PAK5: variants seen among roughly 807,000 people sequenced by gnomAD.
The protein encoded by PAK5 is p21 (RAC1) activated kinase 5.
Under a neutral mutation model 65.9 loss-of-function variants are expected in PAK5, and 16 were observed. That is an observed-to-expected ratio of 0.24 (90% confidence interval 0.16 to 0.37). PAK5 has a LOEUF of 0.37. PAK5 is among the 10% of genes least tolerant of loss of function. PAK5 has a pLI of 1.00. For missense variants in PAK5, 785 were observed against 903.9 expected, an observed-to-expected ratio of 0.87 and a Z score of 1.69; for synonymous variants, 371 against 354.9, an observed-to-expected ratio of 1.05 and a Z score of -0.51.
At chr20:9,757,493 T>G (rs933077272) in intron 1 of PAK5, among the ~76,000 whole-genome samples, 2 of 152,176 alleles carry the variant, frequency 1.3e-5, no homozygotes, top group Non-Finnish European at 2.9e-5. Context: ...AGTCCAGTCT[T>G]TAATAAGATT....
chr20:9,563,153 T>A, intron 5 of PAK5, 129 bp from the exon 6 acceptor site: 1 of 832,512 alleles, frequency 1.2e-6, no homozygotes, highest in Non-Finnish European at 1.9e-6. Context: ...ATTCAGAAAA[T>A]CTATTACAGA....
chr20:9,638,400 A>C (rs957018020), intron 3 of PAK5, among the ~76,000 whole-genome samples: 2 of 152,226 alleles, frequency 1.3e-5, no homozygotes, highest in Admixed American at 6.5e-5. Context: ...AACTGTTGAC[A>C]CAAGTACAAG....
chr20:9,548,262 G>GT (rs796783495), intron 7 of PAK5, among the ~76,000 whole-genome samples: 2 of 152,026 alleles, frequency 1.3e-5, no homozygotes, highest in East Asian at 1.9e-4. Context: ...CCAACTCTGA[G>GT]TTTTTTTGAT....
At chr20:9,771,377 G>A (rs1248639561) in intron 1 of PAK5, among the ~76,000 whole-genome samples, 4 of 151,814 alleles carry the variant, frequency 2.6e-5, no homozygotes, top group South Asian at 2.1e-4. Context: ...CTATAGCGGA[G>A]TGTCAAGAAA....
intron 1 of PAK5, among the ~76,000 whole-genome samples, chr20:9,771,994 C>T (rs2048839192): frequency 6.6e-6 from 1 of 152,114 alleles, no homozygotes; most frequent in African/African-American, 2.4e-5. Context: ...ACAGAGATCG[C>T]ACCACTGCAT....
At chr20:9,574,938 C>T (rs746706364) in intron 4 of PAK5, among the ~76,000 whole-genome samples, 1 of 152,152 alleles carries the variant, frequency 6.6e-6, no homozygotes, top group East Asian at 1.9e-4. Context: ...ATCTCTGAAC[C>T]GAGTTCTGCA....
chr20:9,666,448 A>T (rs918308344), intron 2 of PAK5, among the ~76,000 whole-genome samples: 8 of 151,922 alleles, frequency 5.3e-5, no homozygotes, highest in African/African-American at 1.9e-4. Context: ...GAAAAAAAAA[A>T]AAGAGAAAGA....
chr20:9,643,090 T>C (rs1345547553), intron 3 of PAK5, among the ~76,000 whole-genome samples: 2 of 152,252 alleles, frequency 1.3e-5, no homozygotes, highest in East Asian at 3.8e-4. Flanking sequence ...TCAGTTTTGT[T>C]CTGCATATTA....
intron 1 of PAK5, among the ~76,000 whole-genome samples, chr20:9,820,397 A>T (rs150306983): frequency 6.6e-6 from 1 of 152,256 alleles, no homozygotes; most frequent in African/African-American, 2.4e-5. Flanking sequence ...TTATTGAAAG[A>T]GTTGTTTTTA....
chr20:9,822,242 T>C (rs1164101279), intron 1 of PAK5, among the ~76,000 whole-genome samples: 4 of 144,098 alleles, frequency 2.8e-5, no homozygotes, highest in Non-Finnish European at 4.5e-5. Flanking sequence ...TGAGCTGAGA[T>C]CCTGCCACTG....
At chr20:9,705,721 C>G (rs1216273974) in intron 2 of PAK5, among the ~76,000 whole-genome samples, 29 of 151,990 alleles carry the variant, frequency 1.9e-4, no homozygotes. Flanking sequence ...GCACAGGCAC[C>G]AGGAGAGATA....
chr20:9,665,085 G>GTTTTTTTTGT lies in PAK5; in HGVS notation c.-11-20747_-11-20746insACAAAAAAAA, dbSNP rs1555910640. Among the ~76,000 whole-genome samples the GTTTTTTTTGT allele has an allele frequency of 2.4e-3, 240 of 98,894 alleles. 13 individuals carry two copies. The highest frequency in any genetic ancestry group is 3.4e-3 in the Non-Finnish European group (181 of 53,284). 64.9% of individuals were successfully genotyped at this position (98,894 alleles called of 152,430 possible). A position where few individuals can be genotyped will look rare whatever the true frequency, so the allele number is the denominator to read the frequency against. On this transcript the variant is annotated intron_variant, in intron 2 of 9. Transcript: ENST00000353224. Reference sequence around the variant, plus strand: ...CCACCATGCCCAGCTAAATTTTTCTGTTTTTTTTTTTTTTTGTAGTGATGA... The same window carrying GTTTTTTTTGT: ...CCACCATGCCCAGCTAAATTTTTCTGTTTTTTTTGTTTTTTTTTTTTTTTTGTAGTGATGA...
intron 1 of PAK5, among the ~76,000 whole-genome samples, chr20:9,791,446 G>A (rs2123717747): frequency 6.6e-6 from 1 of 152,186 alleles, no homozygotes; most frequent in South Asian, 2.1e-4. Flanking sequence ...CAGGGCAGGT[G>A]TGTGCCGTGT....
chr20:9,654,076 C>T (rs543373604), intron 2 of PAK5, among the ~76,000 whole-genome samples: 3 of 151,748 alleles, frequency 2.0e-5, no homozygotes, highest in South Asian at 2.1e-4. Context: ...TGGGTTCAAG[C>T]GATTCTCTGG....
chr20:9,726,838 A>G (rs755597251), intron 1 of PAK5, among the ~76,000 whole-genome samples: 25 of 152,196 alleles, frequency 1.6e-4, no homozygotes, highest in Non-Finnish European at 3.1e-4. Flanking sequence ...AAAAGAAAAA[A>G]AAGTATTAGC....
chr20:9,582,320 T>A (rs1213896042), intron 3 of PAK5, among the ~76,000 whole-genome samples: 4 of 152,212 alleles, frequency 2.6e-5, no homozygotes, highest in Admixed American at 6.5e-5. Context: ...CAGATTTTCC[T>A]TATTTTTTGA....
chr20:9,768,786 A>G, intron 1 of PAK5, among the ~76,000 whole-genome samples: 2 of 127,996 alleles, frequency 1.6e-5, no homozygotes, highest in African/African-American at 3.1e-5. Context: ...GCGAGACTCC[A>G]TCGCAAAAAA....
intron 1 of PAK5, among the ~76,000 whole-genome samples, chr20:9,828,993 T>G (rs540912377): frequency 6.6e-6 from 1 of 152,320 alleles, no homozygotes; most frequent in South Asian, 2.1e-4. Flanking sequence ...TATGAACCAG[T>G]GCTTTAGAGA....
At chr20:9,826,034 A>G (rs2049480075) in intron 1 of PAK5, among the ~76,000 whole-genome samples, 1 of 152,214 alleles carries the variant, frequency 6.6e-6, no homozygotes, top group African/African-American at 2.4e-5. Flanking sequence ...GGACTGTGAC[A>G]AAGTGAAGAC....
Sources: allele counts gnomAD v4.1 joint callset (sites outside exome capture counted in the v4.1 genomes callset), GRCh38; gene constraint gnomAD v4.1.1; transcripts MANE v1.5; gene names NCBI Gene and HGNC (gene_info 2026-07-23, HGNC 2026-07-21).